Variants in PRUNE2 observed in about 807,000 individuals in gnomAD.
The protein encoded by PRUNE2 is prune homolog 2 with BCH domain.
A neutral mutation model predicts 252.0 loss-of-function variants in PRUNE2; 164 were observed. That is an observed-to-expected ratio of 0.65 (90% CI 0.57 to 0.74). The LOEUF (loss-of-function observed/expected upper bound fraction) is 0.74. Ranked by LOEUF, PRUNE2 falls within the 30% of genes least tolerant of loss-of-function variation. PRUNE2 has a pLI of 0.00. For missense variants in PRUNE2, 3,495 were observed against 3,711.0 expected (o/e 0.94, Z 1.51); for synonymous variants, 1,292 against 1,350.2 (o/e 0.96, Z 0.94).
chr9:76,655,755 A>G (rs935433657), intron 9 of PRUNE2, among the ~76,000 whole-genome samples: 4 of 152,324 alleles, frequency 2.6e-5, no homozygotes, highest in Non-Finnish European at 5.9e-5. Flanking sequence ...ACACACACCA[A>G]GTGGGAAACT....
intron 6 of PRUNE2, among the ~76,000 whole-genome samples, chr9:76,782,467 CTTTG>C (rs1203234917): frequency 2.6e-5 from 4 of 152,188 alleles, no homozygotes; most frequent in Non-Finnish European, 5.9e-5. Flanking sequence ...CTGTGCCACA[CTTTG>C]TTTATCTGAA....
chr9:76,742,997 G>A (rs561306905), intron 6 of PRUNE2, among the ~76,000 whole-genome samples: 24 of 152,264 alleles, frequency 1.6e-4, no homozygotes, highest in African/African-American at 5.5e-4. Context: ...ATTGAATCAC[G>A]AGGTCGGTTA....
intron 1 of PRUNE2, among the ~76,000 whole-genome samples, chr9:76,882,257 TC>T (rs1452127957): frequency 6.6e-6 from 1 of 152,116 alleles, no homozygotes; most frequent in Non-Finnish European, 1.5e-5. Flanking sequence ...ATGAGGCAAC[TC>T]CCCCAAATAC....
intron 9 of PRUNE2, among the ~76,000 whole-genome samples, chr9:76,677,822 C>T (rs534173422): frequency 1.3e-5 from 2 of 152,236 alleles, no homozygotes; most frequent in Non-Finnish European, 2.9e-5. Context: ...GGAATCCATT[C>T]CCCGAGGTCA....
intron 6 of PRUNE2, among the ~76,000 whole-genome samples, chr9:76,766,620 A>G (rs2052422344): frequency 6.6e-6 from 1 of 151,490 alleles, no homozygotes; most frequent in Middle Eastern, 3.2e-3. Context: ...GTCCTTACAT[A>G]CCTCCCTCGT....
rs2046050500 is a variant in PRUNE2, at chr9:76,703,361, C to T, written c.8252G>A (p.Gly2751Glu). The change falls in exon 9 of 19, where the codon GGA becomes GAA. Residue 2751 changes from glycine to glutamate, a missense_variant. Transcript: ENST00000376718. ...MEEETEFLEL[G>E]TRISRPNGLL... ...CCCATTTGGTCTTGATATCCTGGTT[C>T]CGAGCTCAAGGAACTCTGTCTCCTC... 5.0e-6 allele frequency: 8 copies of T among 1,598,658 alleles called. No homozygotes were observed. The East Asian group carries it at 1.8e-4, about 36-fold the overall frequency.
intron 10 of PRUNE2, 146 bp downstream of exon 10, chr9:76,655,277 A>G: frequency 1.5e-6 from 1 of 689,092 alleles, no homozygotes. Context: ...GCAGCCTAAC[A>G]CCTTCATATC....
At position 76,612,808 on chromosome 9, in the gene PRUNE2, C is replaced by CA. The variant is rs1827858874; in HGVS notation, c.*1761dup. ...GTGAAGCAATGAGGTCAGAGAAACT[C>CA]AATCACCTGTGCAAAGATGTCGACT... is the stretch of plus-strand genomic sequence containing the variant. On this transcript the variant is annotated 3_prime_UTR_variant, in exon 19 of 19. Coordinates refer to ENST00000376718, the MANE Select transcript of PRUNE2 (RefSeq NM_015225.3). 6.6e-6 allele frequency: 1 copy of CA among 152,234 alleles called. No individual in the cohort carries two copies. Among genetic ancestry groups the CA allele is most frequent in the South Asian group, 2.1e-4 (1 of 4,830 alleles). The allele number at this position is 152,234 out of a possible 1,614,324, so 9.4% of individuals were successfully genotyped here.
At chr9:76,752,085 GTTTTTTTTTTGGTTTTTTTT>G (rs2050658290) in intron 6 of PRUNE2, among the ~76,000 whole-genome samples, 1 of 73,332 alleles carries the variant, frequency 1.4e-5, no homozygotes, top group Non-Finnish European at 2.5e-5. Context: ...CTCAATTCCT[GTTTTTTTTTTGGTTTTTTTT>G]TTTTTTTTTT....
chr9:76,739,750 T>C (rs1457362615), intron 6 of PRUNE2: 2 of 152,164 alleles, frequency 1.3e-5, no homozygotes, highest in African/African-American at 4.8e-5. Context: ...GATTTCAAAA[T>C]TGTAGATGGG....
At chr9:76,641,936 G>T in intron 12 of PRUNE2, 1 of 1,527,464 alleles carries the variant, frequency 6.5e-7, no homozygotes, top group Non-Finnish European at 8.8e-7. Flanking sequence ...ATTCTTTCCA[G>T]GGTCATTTGT....
At chr9:76,848,195 T>C (rs2059770936) in intron 3 of PRUNE2, among the ~76,000 whole-genome samples, 1 of 152,110 alleles carries the variant, frequency 6.6e-6, no homozygotes, top group African/African-American at 2.4e-5. Flanking sequence ...ACCTCGGAGA[T>C]GGAGGCTGCA....
Position 76,703,632 on chromosome 9 carries a change from C to T in PRUNE2, c.7981G>A (p.Glu2661Lys). ...CCCAAGCCGAGTTCAGAGAACGGCT[C>T]CACAGTCTTGCCAGACCACCCAGGC... ...SGPGWSGKTV[E>K]PFSELGLGEG... Residue 2661 changes from glutamate (E) to lysine (K), a missense_variant, in exon 9 of 19, where the codon GAG (glutamate) becomes AAG (lysine). Transcript: ENST00000376718. The T allele has an allele frequency of 6.2e-7, 1 of 1,612,478 alleles. No homozygotes were observed. The highest frequency in any genetic ancestry group is 8.5e-7 in the Non-Finnish European group (1 of 1,179,868).
chr9:76,866,648 C>A (rs565423487), intron 1 of PRUNE2, among the ~76,000 whole-genome samples: 20 of 151,788 alleles, frequency 1.3e-4, no homozygotes, highest in Admixed American at 5.2e-4. Context: ...GGCCTCTCTG[C>A]TGACGTATGT....
intron 9 of PRUNE2, among the ~76,000 whole-genome samples, chr9:76,696,689 A>G (rs994699034): frequency 2.0e-5 from 3 of 152,094 alleles, no homozygotes; most frequent in Non-Finnish European, 1.5e-5. Flanking sequence ...GCCTCCCAAA[A>G]TGCTGGGATT....
intron 11 of PRUNE2, among the ~76,000 whole-genome samples, chr9:76,646,142 G>C (rs1254123385): frequency 6.6e-6 from 1 of 152,054 alleles, no homozygotes; most frequent in East Asian, 1.9e-4. Context: ...GAGTCCCCTG[G>C]GCTAAGAAAC....
rs1295423793 is a variant in PRUNE2, at chr9:76,709,812, G to A, written c.2462C>T (p.Thr821Ile). ...ALKNTWNLHP[T>I]SSKTPSVRDP... ...CCTAACAGAAGGTGTCTTGCTGCTT[G>A]TTGGGTGCAAATTCCAGGTATTTTT... Residue 821 changes from threonine (T) to isoleucine (I), a missense_variant, in exon 8 of 19, where the codon ACA becomes ATA. Physicochemically the swap from Thr to Ile is moderately conservative, Grantham distance 89. Coordinates refer to ENST00000376718, the MANE Select transcript of PRUNE2 (RefSeq NM_015225.3). 1.9e-6 allele frequency: 3 copies of A among 1,613,824 alleles called. No homozygotes were observed. In the Admixed American group the frequency reaches 5.0e-5, roughly 27 times the overall value.
At chr9:76,628,120 A>T (rs1835744492) in intron 16 of PRUNE2, among the ~76,000 whole-genome samples, 1 of 152,216 alleles carries the variant, frequency 6.6e-6, no homozygotes, top group Admixed American at 6.5e-5. Context: ...GAAATGAAAA[A>T]AGCTAGTGAT....
intron 6 of PRUNE2, among the ~76,000 whole-genome samples, chr9:76,722,181 C>G (rs561217290): frequency 3.3e-5 from 5 of 152,002 alleles, no homozygotes; most frequent in African/African-American, 1.2e-4. Context: ...GCCTCAGTCT[C>G]CTGAGTAGCT....
Sources: gnomAD v4.1 joint callset for allele counts (sites outside exome capture counted in the v4.1 genomes callset) on GRCh38, gnomAD v4.1.1 for gene constraint, MANE v1.5 for transcripts, NCBI Gene and HGNC (gene_info 2026-07-23, HGNC 2026-07-21) for gene names.